The following PEBP4 variants were observed in gnomAD, a reference collection of about 807,000 sequenced individuals.
PEBP4 encodes phosphatidylethanolamine binding protein 4, also known as phosphatidylethanolamine-binding protein 4.
PEBP4 carries 22 observed loss-of-function variants against 23.9 expected under a neutral mutation model. The ratio of observed to expected loss-of-function variants is 0.92; its 90% CI spans 0.66 to 1.31. The LOEUF (loss-of-function observed/expected upper bound fraction) is 1.31, where lower values mean the gene tolerates loss of function less well. Ranked by LOEUF, PEBP4 falls within the 40% of genes most tolerant of loss-of-function variation. PEBP4 has a pLI of 0.00. For synonymous variants in PEBP4, 112 were observed against 99.3 expected, an observed-to-expected ratio of 1.13 and a Z score of -0.76; for missense variants, 324 against 281.7, an observed-to-expected ratio of 1.15 and a Z score of -1.07.
At chr8:22,920,334 C>A (rs1248878749) in intron 2 of PEBP4, 24 bp from the exon 3 acceptor site, 3 of 1,600,280 alleles carry the variant, frequency 1.9e-6, no homozygotes, top group Non-Finnish European at 2.6e-6. Flanking sequence ...GGGGAGGTTG[C>A]CCTGTGTCAG....
intron 4 of PEBP4, among the ~76,000 whole-genome samples, chr8:22,731,553 GAGTCCA>G (rs1270388221): frequency 2.0e-5 from 3 of 152,196 alleles, no homozygotes; most frequent in African/African-American, 7.2e-5. Flanking sequence ...AATTTGGGGA[GAGTCCA>G]AAGTTGTAGT....
At chr8:22,890,736 C>G (rs118062065) in intron 3 of PEBP4, among the ~76,000 whole-genome samples, 1,768 of 152,350 alleles carry the variant, frequency 0.012, 21 homozygotes, top group Non-Finnish European at 0.019. Flanking sequence ...TGACTTTTAC[C>G]GGCAAGCATG....
intron 4 of PEBP4, among the ~76,000 whole-genome samples, chr8:22,744,160 A>C (rs1805059880): frequency 1.3e-5 from 2 of 152,204 alleles, no homozygotes; most frequent in African/African-American, 4.8e-5. Flanking sequence ...ACATAAAATC[A>C]CTTGGGATAA....
chr8:22,816,440 G>C lies in PEBP4; in HGVS notation c.357+1197C>G, dbSNP rs529812276. On this transcript the variant is annotated intron_variant, in intron 4 of 6. Transcript: ENST00000256404. Reference sequence around the variant, plus strand: ...CCCACCCAGTGGCTGCGAAAACCCTGCCTTGCTCAGGATAGTCACAAGCTA... The same window carrying C: ...CCCACCCAGTGGCTGCGAAAACCCTCCCTTGCTCAGGATAGTCACAAGCTA... Among the ~76,000 whole-genome samples, 3 of 152,328 alleles carry C rather than the reference G, an allele frequency of 2.0e-5. No individual in the cohort carries two copies. In the East Asian group the frequency reaches 5.8e-4, roughly 29 times the overall value.
rs1468165145 is a variant in PEBP4 at position 22,927,650 on chromosome 8, C to T, written c.65G>A (p.Gly22Glu). Reference sequence around the variant, plus strand: ...ACACGGGCTGTTCTCATCCTCGTCTCCAGTGACCACCATCATGAGACCCAG... The same window carrying T: ...ACACGGGCTGTTCTCATCCTCGTCTTCAGTGACCACCATCATGAGACCCAG... Reference protein sequence around the residue: ...LLLGLMMVVTGDEDENSPCAH... With the variant: ...LLLGLMMVVTEDEDENSPCAH... Residue 22 changes from glycine (G) to glutamate (E), a missense_variant, in exon 2 of 7, where the codon GGA (glycine) becomes GAA (glutamate). Gly to Glu is a moderately conservative substitution (Grantham distance 98). Transcript: ENST00000256404. 6.2e-7 allele frequency: 1 copy of T among 1,613,992 alleles called. No individual in the cohort carries two copies. Among genetic ancestry groups the T allele is most frequent in the Admixed American group, 1.7e-5 (1 of 59,998 alleles).
In PEBP4 at chr8:22,724,938, G is replaced by A. The variant is rs1230144319; in HGVS notation, c.422C>T (p.Pro141Leu). The A allele has an allele frequency of 2.5e-6, 4 of 1,613,950 alleles. No homozygotes were observed. Among genetic ancestry groups the A allele is most frequent in the Non-Finnish European group, 3.4e-6 (4 of 1,179,882 alleles). ...GCGATGGAAGCCACTGTGTGCCGGT[G>A]GGGAGGGAGCCTGGTAGGCTATAGG... is the stretch of plus-strand genomic sequence containing the variant. Reference protein sequence around the residue: ...QELSAYQAPSPPAHSGFHRYQ... With the variant: ...QELSAYQAPSLPAHSGFHRYQ... Residue 141 changes from proline to leucine, a missense_variant, in exon 6 of 7, where the codon CCA (proline) becomes CTA (leucine). By Grantham distance (98) the Pro-to-Leu change is moderately conservative. Coordinates refer to ENST00000256404, the MANE Select transcript of PEBP4 (RefSeq NM_144962.3).
At chr8:22,752,959 G>A (rs760383457) in intron 4 of PEBP4, among the ~76,000 whole-genome samples, 13 of 152,178 alleles carry the variant, frequency 8.5e-5, no homozygotes, top group South Asian at 2.1e-4. Flanking sequence ...GGCTGGAGAC[G>A]TATTCCTGCT....
intron 4 of PEBP4, among the ~76,000 whole-genome samples, chr8:22,767,978 G>A (rs1805642865): frequency 6.6e-6 from 1 of 152,010 alleles, no homozygotes; most frequent in African/African-American, 2.4e-5. Context: ...CAGGTGATCC[G>A]CCCACCCCGG....
At chr8:22,823,171 T>C (rs755558878) in intron 3 of PEBP4, among the ~76,000 whole-genome samples, 1 of 152,002 alleles carries the variant, frequency 6.6e-6, no homozygotes, top group Non-Finnish European at 1.5e-5. Flanking sequence ...TATGTATATT[T>C]ACTACATGAT....
intron 6 of PEBP4, among the ~76,000 whole-genome samples, chr8:22,721,636 G>A (rs555621307): frequency 7.2e-5 from 11 of 152,126 alleles, no homozygotes; most frequent in Non-Finnish European, 1.0e-4. Flanking sequence ...CTTTCCCCTC[G>A]AGTCTCTAGA....
intron 3 of PEBP4, among the ~76,000 whole-genome samples, chr8:22,850,254 C>T (rs1807524947): frequency 6.6e-6 from 1 of 152,270 alleles, no homozygotes; most frequent in South Asian, 2.1e-4. Context: ...GTTGATGAGA[C>T]CCTCCTGAAA....
intron 1 of PEBP4, among the ~76,000 whole-genome samples, chr8:22,933,965 G>A (rs1454246498): frequency 6.6e-6 from 1 of 152,176 alleles, no homozygotes; most frequent in Non-Finnish European, 1.5e-5. Context: ...ATTTTAGAAG[G>A]GAAAGGGAAG....
intron 3 of PEBP4, among the ~76,000 whole-genome samples, chr8:22,870,901 A>G (rs1335137258): frequency 2.0e-5 from 3 of 152,148 alleles, no homozygotes; most frequent in African/African-American, 4.8e-5. Flanking sequence ...TTTTGGAGCA[A>G]CCCTCACCTC....
chr8:22,734,381 G>C (rs1302049730), intron 4 of PEBP4, among the ~76,000 whole-genome samples: 1 of 152,208 alleles, frequency 6.6e-6, no homozygotes, highest in Non-Finnish European at 1.5e-5. Flanking sequence ...GTGGAAGAAG[G>C]AGGCGCAGAT....
intron 6 of PEBP4, among the ~76,000 whole-genome samples, chr8:22,718,740 G>A (rs1274952403): frequency 1.3e-5 from 2 of 152,168 alleles, no homozygotes; most frequent in Non-Finnish European, 2.9e-5. Context: ...GGTCACGAGG[G>A]TGGGCTGAGT....
chr8:22,807,139 T>C lies in PEBP4; in HGVS notation c.357+10498A>G, dbSNP rs565990304. Among the ~76,000 whole-genome samples, 3 of 152,362 alleles carry C rather than the reference T, an allele frequency of 2.0e-5. No homozygotes were observed. The South Asian group carries it at 6.2e-4, about 32-fold the overall frequency. On this transcript the variant is annotated intron_variant, in intron 4 of 6. Transcript: ENST00000256404. ...CGTGATTGCAAATCTAAGCTCTTTCTGGACCTTGGAGGTGTAATTCATTTA... is the reference window on the plus strand; with the variant it reads ...CGTGATTGCAAATCTAAGCTCTTTCCGGACCTTGGAGGTGTAATTCATTTA...
At chr8:22,937,780 ATGTGTGTATGTGTATGTATGTGTGTG>A (rs1457442384) in intron 1 of PEBP4, among the ~76,000 whole-genome samples, 1 of 116,336 alleles carries the variant, frequency 8.6e-6, no homozygotes, top group African/African-American at 3.6e-5. Context: ...AAACCCTCAT[ATGTGTGTATGTGTATGTATGTGTGTG>A]TGTGTGTGTG....
intron 3 of PEBP4, among the ~76,000 whole-genome samples, chr8:22,845,543 G>C (rs1287537782): frequency 6.6e-6 from 1 of 152,108 alleles, no homozygotes; most frequent in Non-Finnish European, 1.5e-5. Flanking sequence ...AATAAACCCA[G>C]CAGCACATGG....
intron 4 of PEBP4, among the ~76,000 whole-genome samples, chr8:22,738,518 G>A (rs554417050): frequency 6.6e-6 from 1 of 152,320 alleles, no homozygotes; most frequent in East Asian, 1.9e-4. Flanking sequence ...GGTGGGAATG[G>A]GAGTGGCAGG....
Sources: gnomAD v4.1 joint callset for allele counts (sites outside exome capture counted in the v4.1 genomes callset) on GRCh38, gnomAD v4.1.1 for gene constraint, MANE v1.5 for transcripts, NCBI Gene and HGNC (gene_info 2026-07-23, HGNC 2026-07-21) for gene names.